NIBAN1: variants seen among roughly 807,000 people sequenced by gnomAD.
The protein encoded by NIBAN1 is niban apoptosis regulator 1.
NIBAN1 carries 81 observed loss-of-function variants against 75.1 expected under a neutral mutation model. The ratio of observed to expected loss-of-function variants is 1.08; its 90% CI spans 0.90 to 1.30. The LOEUF (loss-of-function observed/expected upper bound fraction) is 1.30. Ranked by LOEUF, NIBAN1 falls within the 50% of genes most tolerant of loss-of-function variation. NIBAN1 has a pLI of 0.00. For synonymous variants in NIBAN1, 436 were observed against 424.8 expected, an observed-to-expected ratio of 1.03 and a Z score of -0.32; for missense variants, 1,133 against 1,128.1, an observed-to-expected ratio of 1.00 and a Z score of -0.06.
intron 1 of NIBAN1, among the ~76,000 whole-genome samples, chr1:184,969,692 CTTT>C (rs79772774): frequency 7.2e-6 from 1 of 139,818 alleles, no homozygotes; most frequent in Non-Finnish European, 1.6e-5. Context: ...GAGTTTCTTT[CTTT>C]TTTTTTTTTT....
intron 2 of NIBAN1, 33 bp downstream of exon 2, chr1:184,899,146 G>T (rs375848721): frequency 6.1e-5 from 99 of 1,611,606 alleles, no homozygotes; most frequent in Non-Finnish European, 7.9e-5. Flanking sequence ...TCTTCAAGGG[G>T]AAATACATGT....
chr1:184,835,574 G>T (rs1655116713), intron 5 of NIBAN1, among the ~76,000 whole-genome samples: 1 of 152,108 alleles, frequency 6.6e-6, no homozygotes, highest in South Asian at 2.1e-4. Context: ...TTGTAAGTTG[G>T]ATTCCTAGGC....
chr1:184,894,216 GA>G lies in NIBAN1; in HGVS notation c.187-11del. On this transcript the variant is annotated splice_polypyrimidine_tract_variant and intron_variant, in intron 2 of 13. Coordinates refer to ENST00000367511, the MANE Select transcript of NIBAN1 (RefSeq NM_052966.4). ...CAGGCGCCAATGGTGGCTTAAAGAA[GA>G]TGAATACAATTAACTATCACAACAA... is the stretch of plus-strand genomic sequence containing the variant. The G allele has an allele frequency of 6.3e-7, 1 of 1,591,672 alleles. No individual in the cohort carries two copies. The highest frequency in any genetic ancestry group is 8.5e-7 in the Non-Finnish European group (1 of 1,172,352).
intron 1 of NIBAN1, among the ~76,000 whole-genome samples, chr1:184,946,518 G>T (rs376705251): frequency 6.6e-6 from 1 of 152,270 alleles, no homozygotes; most frequent in Non-Finnish European, 1.5e-5. Flanking sequence ...ATTTATTTAC[G>T]CCTTGGAGCT....
At chr1:184,952,155 C>T (rs1658373354) in intron 1 of NIBAN1, among the ~76,000 whole-genome samples, 1 of 152,216 alleles carries the variant, frequency 6.6e-6, no homozygotes, top group South Asian at 2.1e-4. Context: ...AATCCCAGCA[C>T]TTTGGGAAGC....
At chr1:184,940,847 G>C (rs1315235123) in intron 1 of NIBAN1, among the ~76,000 whole-genome samples, 2 of 152,172 alleles carry the variant, frequency 1.3e-5, no homozygotes, top group African/African-American at 2.4e-5. Context: ...TAGTGGAAAA[G>C]GTATGGTGAA....
chr1:184,897,420 C>T (rs1377457724), intron 2 of NIBAN1, among the ~76,000 whole-genome samples: 3 of 151,936 alleles, frequency 2.0e-5, no homozygotes, highest in Non-Finnish European at 4.4e-5. Context: ...TTTTCTCCTA[C>T]TCCATAGACC....
Position 184,798,081 on chromosome 1 carries a change from T to C in NIBAN1, c.1664A>G (p.Lys555Arg). ...CAGCACCAGGTAACCTTTCTTACCT[T>C]TCAGAGTTTCATCAAGCAGGATCTG... Reference protein sequence around the residue: ...LHQILLDETLKVIKEAAILKK... With the variant: ...LHQILLDETLRVIKEAAILKK... The change falls in exon 13 of 14, where the codon AAA (lysine) becomes AGA (arginine). Residue 555 changes from lysine to arginine, a missense_variant and splice_region_variant. Transcript: ENST00000367511. The C allele has an allele frequency of 6.2e-7, 1 of 1,606,388 alleles. No individual in the cohort carries two copies. Among genetic ancestry groups the C allele is most frequent in the Non-Finnish European group, 8.5e-7 (1 of 1,174,078 alleles).
In NIBAN1 at chr1:184,884,745, T is replaced by C. The variant is rs1479506116; in HGVS notation, c.489A>G (p.Pro163=). 3 of 1,614,216 alleles carry C rather than the reference T, an allele frequency of 1.9e-6. No individual in the cohort carries two copies. The highest frequency in any genetic ancestry group is 3.3e-5 in the Admixed American group (2 of 60,032). ...TGAAGAAGGGCTGCCACAGGTACAC[T>C]GGGAATTCCTTGGGCAGGACCACAA... ...QPFVVLPKEF[P]VYLWQPFFRH... is the part of the protein sequence containing the mutation. Residue 163 remains proline, a synonymous_variant, in exon 5 of 14, where the codon CCA becomes CCG. Coordinates refer to ENST00000367511, the MANE Select transcript of NIBAN1 (RefSeq NM_052966.4).
chr1:184,930,566 T>A (rs1293784789), intron 1 of NIBAN1, among the ~76,000 whole-genome samples: 1 of 152,180 alleles, frequency 6.6e-6, no homozygotes, highest in South Asian at 2.1e-4. Context: ...CCTGTATATA[T>A]GAGGAGATAT....
chr1:184,903,986 T>C (rs1657023175), intron 1 of NIBAN1, among the ~76,000 whole-genome samples: 1 of 151,860 alleles, frequency 6.6e-6, no homozygotes, highest in African/African-American at 2.4e-5. Context: ...AACCTCCGCC[T>C]CCCAGGTTCT....
chr1:184,931,943 C>A (rs1453027946), intron 1 of NIBAN1, among the ~76,000 whole-genome samples: 1 of 152,158 alleles, frequency 6.6e-6, no homozygotes, highest in Non-Finnish European at 1.5e-5. Context: ...TCTTTAGCAC[C>A]CTCTCCATGT....
chr1:184,873,086 T>A (rs961708911), intron 5 of NIBAN1, among the ~76,000 whole-genome samples: 2 of 152,176 alleles, frequency 1.3e-5, no homozygotes, highest in Non-Finnish European at 2.9e-5. Flanking sequence ...TTCAATGTGG[T>A]GACAGGAAAA....
chr1:184,935,064 T>C, intron 1 of NIBAN1, among the ~76,000 whole-genome samples: 1 of 152,118 alleles, frequency 6.6e-6, no homozygotes, highest in East Asian at 1.9e-4. Context: ...AGCAAGAATC[T>C]GTCTCAAAAA....
intron 1 of NIBAN1, among the ~76,000 whole-genome samples, chr1:184,928,642 G>C (rs1016880370): frequency 1.7e-4 from 26 of 152,068 alleles, no homozygotes; most frequent in Non-Finnish European, 7.4e-5. Context: ...AAGTTCCTGT[G>C]CTCTCCCTCC....
chr1:184,893,352 A>G (rs1571552859), intron 3 of NIBAN1, among the ~76,000 whole-genome samples: 1 of 152,278 alleles, frequency 6.6e-6, no homozygotes, highest in East Asian at 1.9e-4. Context: ...ACTGCCTGCT[A>G]TTCTTTCCCC....
At chr1:184,898,763 A>G (rs1656870463) in intron 2 of NIBAN1, among the ~76,000 whole-genome samples, 1 of 152,336 alleles carries the variant, frequency 6.6e-6, no homozygotes, top group Non-Finnish European at 1.5e-5. Context: ...CAGTTCTTGG[A>G]CTATAGCCTA....
At chr1:184,901,546 A>G (rs1004465985) in intron 1 of NIBAN1, among the ~76,000 whole-genome samples, 4 of 152,222 alleles carry the variant, frequency 2.6e-5, no homozygotes, top group African/African-American at 9.6e-5. Flanking sequence ...TAAAACATAT[A>G]AATGATGAAC....
In NIBAN1 at chr1:184,840,217, C is replaced by T. The variant is rs114925546; in HGVS notation, c.602-8255G>A. 4.2e-3 allele frequency among the ~76,000 whole-genome samples: 636 copies of T among 152,296 alleles called. 9 individuals carry two copies. The highest frequency in any genetic ancestry group is 0.039 in the East Asian group (202 of 5,184). Reference sequence around the variant, plus strand: ...ACCATATCATAAATGATAATTCTTACGAGAACCAGCCCCATTACTTAGAAG... The same window carrying T: ...ACCATATCATAAATGATAATTCTTATGAGAACCAGCCCCATTACTTAGAAG... On this transcript the variant is annotated intron_variant, in intron 5 of 13. Coordinates refer to ENST00000367511, the MANE Select transcript of NIBAN1 (RefSeq NM_052966.4).
Sources: gnomAD v4.1 joint callset for allele counts (sites outside exome capture counted in the v4.1 genomes callset) on GRCh38, gnomAD v4.1.1 for gene constraint, MANE v1.5 for transcripts, NCBI Gene and HGNC (gene_info 2026-07-23, HGNC 2026-07-21) for gene names.